GALNT17: variants seen among roughly 807,000 people sequenced by gnomAD.
GALNT17 encodes the protein UDP-GalNAc:polypeptide N-acetylgalactosaminyltransferase-like 3.
A neutral mutation model predicts 63.7 loss-of-function variants in GALNT17; 29 were observed. The observed-to-expected ratio is 0.46, with a 90% confidence interval of 0.34 to 0.62. GALNT17 has a LOEUF of 0.62. Among genes scored for constraint, GALNT17 ranks in the 20% least tolerant of loss-of-function variants. The pLI is 0.01. For synonymous variants in GALNT17, 305 were observed against 318.3 expected, an observed-to-expected ratio of 0.96 and a Z score of 0.45; for missense variants, 603 against 799.6, an observed-to-expected ratio of 0.75 and a Z score of 2.97.
chr7:71,302,903 C>T (rs1475825726), intron 1 of GALNT17, among the ~76,000 whole-genome samples: 2 of 152,064 alleles, frequency 1.3e-5, no homozygotes, highest in East Asian at 3.9e-4. Context: ...GTTCTGTCGC[C>T]CAGGCTGGAG....
At chr7:71,465,041 A>G (rs2116592019) in intron 5 of GALNT17, among the ~76,000 whole-genome samples, 1 of 152,316 alleles carries the variant, frequency 6.6e-6, no homozygotes, top group South Asian at 2.1e-4. Flanking sequence ...TTAAGTTAAT[A>G]GGGCTCCTTT....
intron 1 of GALNT17, among the ~76,000 whole-genome samples, chr7:71,134,835 G>GTTTTTTTT (rs561383417): frequency 1.2e-4 from 7 of 57,908 alleles, no homozygotes; most frequent in Non-Finnish European, 1.7e-4. Context: ...TTGTTTTATG[G>GTTTTTTTT]TTTTTTTTTT....
At chr7:71,342,092 T>C (rs1334141815) in intron 2 of GALNT17, among the ~76,000 whole-genome samples, 7 of 152,180 alleles carry the variant, frequency 4.6e-5, no homozygotes, top group Non-Finnish European at 1.0e-4. Flanking sequence ...GTTAGGCCAT[T>C]GTGTTGCTAT....
intron 5 of GALNT17, among the ~76,000 whole-genome samples, chr7:71,499,706 C>G (rs1357082480): frequency 6.6e-6 from 1 of 152,190 alleles, no homozygotes; most frequent in Non-Finnish European, 1.5e-5. Context: ...CAGATTTTAC[C>G]TGCTCCTCCG....
At chr7:71,263,759 T>C (rs537797668) in intron 1 of GALNT17, among the ~76,000 whole-genome samples, 7 of 151,712 alleles carry the variant, frequency 4.6e-5, no homozygotes, top group Non-Finnish European at 1.0e-4. Context: ...CCGTCTCTAC[T>C]AAAAAAATAC....
intron 5 of GALNT17, among the ~76,000 whole-genome samples, chr7:71,500,485 C>T (rs1275631132): frequency 1.3e-5 from 2 of 152,134 alleles, no homozygotes; most frequent in East Asian, 3.9e-4. Flanking sequence ...CTGGTCTCCC[C>T]AGGTCTCAAC....
chr7:71,387,586 A>C lies in GALNT17; in HGVS notation c.423-649A>C, dbSNP rs190775495. Among the ~76,000 whole-genome samples the C allele has an allele frequency of 3.9e-3, 590 of 152,220 alleles. 6 individuals are homozygous for C. Among genetic ancestry groups the C allele is most frequent in the African/African-American group, 0.014 (564 of 41,556 alleles). On this transcript the variant is annotated intron_variant, in intron 2 of 10. Transcript: ENST00000333538. ...AGCGACGCTCCCACGTCGGCCTCCCAAATTGCTGAAATTACAGGTGTGAGG... is the reference window on the plus strand; with the variant it reads ...AGCGACGCTCCCACGTCGGCCTCCCCAATTGCTGAAATTACAGGTGTGAGG...
At chr7:71,313,687 G>A (rs1034392204) in intron 1 of GALNT17, among the ~76,000 whole-genome samples, 1 of 152,190 alleles carries the variant, frequency 6.6e-6, no homozygotes, top group Non-Finnish European at 1.5e-5. Flanking sequence ...AAGAGAGGGA[G>A]CTAGTCTGGG....
chr7:71,388,450 A>T (rs765650731), intron 3 of GALNT17, 49 bp downstream of exon 3: 1 of 1,576,572 alleles, frequency 6.3e-7, no homozygotes, highest in East Asian at 2.3e-5. Flanking sequence ...AGCAGGGGGA[A>T]ATGCCACTTT....
At chr7:71,180,038 G>A (rs1788708090) in intron 1 of GALNT17, among the ~76,000 whole-genome samples, 1 of 152,138 alleles carries the variant, frequency 6.6e-6, no homozygotes, top group African/African-American at 2.4e-5. Context: ...ATAAAAAACT[G>A]TACTTATTTA....
intron 6 of GALNT17, among the ~76,000 whole-genome samples, chr7:71,605,081 C>T (rs1199510988): frequency 1.3e-5 from 2 of 152,160 alleles, no homozygotes; most frequent in African/African-American, 2.4e-5. Context: ...TCAGAAACTA[C>T]CAGTGAAACT....
At chr7:71,305,994 G>T (rs146073740) in intron 1 of GALNT17, among the ~76,000 whole-genome samples, 1 of 152,168 alleles carries the variant, frequency 6.6e-6, no homozygotes, top group East Asian at 1.9e-4. Context: ...TGAGGCAGGC[G>T]GATCACTTGA....
At chr7:71,340,030 G>A (rs573583970) in intron 2 of GALNT17, among the ~76,000 whole-genome samples, 1 of 152,306 alleles carries the variant, frequency 6.6e-6, no homozygotes, top group East Asian at 1.9e-4. Context: ...GAGCAAGCTG[G>A]GTGAAGCTGA....
chr7:71,443,044 G>A (rs1787097259), intron 5 of GALNT17, among the ~76,000 whole-genome samples: 2 of 152,148 alleles, frequency 1.3e-5, no homozygotes. Context: ...GCTGCAGGAG[G>A]TTTCAGCTGG....
At chr7:71,435,409 C>T (rs564069868) in intron 5 of GALNT17, among the ~76,000 whole-genome samples, 2 of 152,130 alleles carry the variant, frequency 1.3e-5, no homozygotes, top group African/African-American at 4.8e-5. Flanking sequence ...GGGACTAGAC[C>T]GCCTTTGTAG....
chr7:71,433,114 T>G (rs1231550718), intron 5 of GALNT17, among the ~76,000 whole-genome samples: 3 of 152,200 alleles, frequency 2.0e-5, no homozygotes, highest in Non-Finnish European at 2.9e-5. Flanking sequence ...CCCATCTCTA[T>G]TCTTTAAAAA....
intron 6 of GALNT17, among the ~76,000 whole-genome samples, chr7:71,572,223 A>AT (rs1218565593): frequency 6.6e-6 from 1 of 150,958 alleles, no homozygotes; most frequent in Non-Finnish European, 1.5e-5. Context: ...TGAAAAATAA[A>AT]AAAAAAAAAA....
intron 1 of GALNT17, among the ~76,000 whole-genome samples, chr7:71,270,732 G>A (rs73370014): frequency 0.058 from 8,739 of 151,706 alleles, 871 homozygotes; most frequent in African/African-American, 0.2. Context: ...CTGAGTGGAC[G>A]GATGAAAAAA....
At chr7:71,209,696 A>G (rs916033297) in intron 1 of GALNT17, among the ~76,000 whole-genome samples, 5 of 151,898 alleles carry the variant, frequency 3.3e-5, no homozygotes, top group African/African-American at 9.7e-5. Flanking sequence ...GCGTTTTGCC[A>G]TATTGCCTAT....
Sources: gnomAD v4.1 joint callset for allele counts (sites outside exome capture counted in the v4.1 genomes callset) on GRCh38, gnomAD v4.1.1 for gene constraint, MANE v1.5 for transcripts, NCBI Gene and HGNC (gene_info 2026-07-23, HGNC 2026-07-21) for gene names.